The following TMEM108 variants were observed in gnomAD, a reference collection of about 807,000 sequenced individuals.
TMEM108 encodes the protein transmembrane protein 108, also known as cancer/testis antigen 124.
A neutral mutation model predicts 35.1 loss-of-function variants in TMEM108; 12 were observed. That is an observed-to-expected ratio of 0.34 (90% CI 0.22 to 0.55). The LOEUF is 0.55. Ranked by LOEUF, TMEM108 falls within the 20% of genes least tolerant of loss-of-function variation. TMEM108 has a pLI of 0.89. For synonymous variants in TMEM108, 287 were observed against 308.6 expected (o/e 0.93, Z 0.73); for missense variants, 680 against 753.3 (o/e 0.90, Z 1.14).
chr3:133,075,217 C>G (rs9846076), intron 2 of TMEM108, among the ~76,000 whole-genome samples: 97,199 of 152,004 alleles, frequency 0.64, 31,783 homozygotes, highest in African/African-American at 0.78. Flanking sequence ...GATTGCACAT[C>G]AACATTCCTC....
chr3:133,063,088 T>C (rs906368215), intron 2 of TMEM108, among the ~76,000 whole-genome samples: 8 of 152,136 alleles, frequency 5.3e-5, no homozygotes, highest in African/African-American at 1.9e-4. Context: ...AGTTGTGGTA[T>C]CAGAGATGGG....
intron 3 of TMEM108, among the ~76,000 whole-genome samples, chr3:133,234,133 G>A (rs1247463222): frequency 4.6e-5 from 7 of 152,022 alleles, no homozygotes; most frequent in Non-Finnish European, 8.8e-5. Context: ...TGTCCTGAAT[G>A]GTAATGCCTA....
chr3:133,204,348 G>C (rs1481230396), intron 2 of TMEM108, among the ~76,000 whole-genome samples: 1 of 151,376 alleles, frequency 6.6e-6, no homozygotes, highest in East Asian at 1.9e-4. Context: ...GCTATCTTTT[G>C]GATTTGTTTG....
chr3:133,309,915 T>A, intron 3 of TMEM108, among the ~76,000 whole-genome samples: 1 of 152,092 alleles, frequency 6.6e-6, no homozygotes, highest in African/African-American at 2.4e-5. Context: ...TTAGCCGGGA[T>A]GGTCTCGATC....
At chr3:133,070,332 A>G (rs368921125) in intron 2 of TMEM108, among the ~76,000 whole-genome samples, 1 of 152,148 alleles carries the variant, frequency 6.6e-6, no homozygotes, top group African/African-American at 2.4e-5. Context: ...ACAAGAGAGG[A>G]GTACAAAATG....
At chr3:133,047,395 A>G (rs1425089752) in intron 2 of TMEM108, among the ~76,000 whole-genome samples, 1 of 152,196 alleles carries the variant, frequency 6.6e-6, no homozygotes. Flanking sequence ...TTGCTGTGTA[A>G]ATACTATACA....
rs1305163991 is a variant in TMEM108 at position 133,380,281 on chromosome 3, C to T, written c.570C>T (p.His190=). ...CTGTCCCGCCTGCACCTGGTGGCCACTCCAGGAGTAAAGAAGGACAGCGAG... is the reference window on the plus strand; with the variant it reads ...CTGTCCCGCCTGCACCTGGTGGCCATTCCAGGAGTAAAGAAGGACAGCGAG... The part of the protein sequence containing the change: ...SRPVPPAPGG[H]SRSKEGQRGR... Residue 190 remains histidine, a synonymous_variant, in exon 4 of 6, where the codon CAC becomes CAT. Transcript: ENST00000321871. This position sits in a 1 kb window ranked among gnomAD's most constrained non-coding sequence, Gnocchi z 5.3. The T allele has an allele frequency of 1.2e-6, 2 of 1,614,016 alleles. No homozygotes were observed. Among genetic ancestry groups the T allele is most frequent in the Non-Finnish European group, 1.7e-6 (2 of 1,180,018 alleles).
At chr3:133,360,452 C>T (rs2072312495) in intron 3 of TMEM108, among the ~76,000 whole-genome samples, 1 of 152,056 alleles carries the variant, frequency 6.6e-6, no homozygotes, top group African/African-American at 2.4e-5. Flanking sequence ...GTCAAGCAGC[C>T]CTACAGTTGA....
intron 2 of TMEM108, among the ~76,000 whole-genome samples, chr3:133,070,982 T>G (rs1458100331): frequency 6.6e-6 from 1 of 152,110 alleles, no homozygotes; most frequent in Non-Finnish European, 1.5e-5. Flanking sequence ...GCAGCTCTGA[T>G]CTCATTTAAG....
At chr3:133,259,147 T>A (rs1042066673) in intron 3 of TMEM108, among the ~76,000 whole-genome samples, 1 of 152,252 alleles carries the variant, frequency 6.6e-6, no homozygotes, top group Non-Finnish European at 1.5e-5. Flanking sequence ...TAATTAAGTG[T>A]TGTCATCTGT....
intron 2 of TMEM108, among the ~76,000 whole-genome samples, chr3:133,207,594 T>A (rs796238891): frequency 7.2e-5 from 11 of 152,284 alleles, no homozygotes; most frequent in African/African-American, 2.6e-4. Flanking sequence ...ATTATTTAAA[T>A]CAATTCTGAC....
At chr3:133,220,959 A>C (rs1360167106) in intron 2 of TMEM108, among the ~76,000 whole-genome samples, 1 of 152,230 alleles carries the variant, frequency 6.6e-6, no homozygotes, top group Non-Finnish European at 1.5e-5. Context: ...TGAAATAATA[A>C]AGGATACAGG....
chr3:133,071,190 A>G (rs898092756), intron 2 of TMEM108, among the ~76,000 whole-genome samples: 2 of 152,194 alleles, frequency 1.3e-5, no homozygotes, highest in Non-Finnish European at 2.9e-5. Context: ...GGGCTGCCAT[A>G]GCAGTGTATC....
intron 2 of TMEM108, among the ~76,000 whole-genome samples, chr3:133,067,016 A>G (rs1290372895): frequency 6.6e-6 from 1 of 152,174 alleles, no homozygotes; most frequent in Non-Finnish European, 1.5e-5. Context: ...ACTTGGGTAA[A>G]CATGTACTAC....
chr3:133,206,266 T>A (rs1945752139), intron 2 of TMEM108, among the ~76,000 whole-genome samples: 2 of 152,124 alleles, frequency 1.3e-5, no homozygotes, highest in South Asian at 4.1e-4. Context: ...CTCGGAGGAG[T>A]TTGTTATTAC....
rs6800688 is a variant in TMEM108 at position 133,346,992 on chromosome 3, A to G, written c.41-32760A>G. Among the ~76,000 whole-genome samples, 1,942 of 152,140 alleles carry G rather than the reference A, an allele frequency of 0.013. 45 individuals are homozygous for G. The highest frequency in any genetic ancestry group is 0.043 in the African/African-American group (1,788 of 41,534). On this transcript the variant is annotated intron_variant, in intron 3 of 5. Transcript: ENST00000321871. This position sits in a 1 kb window ranked among gnomAD's most constrained non-coding sequence, Gnocchi z 4.0. ...CTCTGGACCCTATTCTGTTCTGTTG[A>G]TCAGTTTCTCTGTTCTTTCATCAGT...
intron 2 of TMEM108, among the ~76,000 whole-genome samples, chr3:133,136,267 A>C (rs1944563284): frequency 6.6e-6 from 1 of 152,110 alleles, no homozygotes; most frequent in Admixed American, 6.5e-5. Flanking sequence ...TTATCTTAGC[A>C]CTGTTTTCAG....
At chr3:133,389,275 A>G in intron 4 of TMEM108, 1 of 985,502 alleles carries the variant, frequency 1.0e-6, no homozygotes, top group Non-Finnish European at 1.2e-6. Flanking sequence ...CTCAGGGATG[A>G]ACAGACAGGG....
intron 5 of TMEM108, among the ~76,000 whole-genome samples, chr3:133,395,447 G>A (rs1187254268): frequency 6.6e-6 from 1 of 152,166 alleles, no homozygotes; most frequent in Non-Finnish European, 1.5e-5. Context: ...CTGTGAGAAA[G>A]AGGCAGGAAG....
Sources: gnomAD v4.1 joint callset for allele counts (sites outside exome capture counted in the v4.1 genomes callset) on GRCh38, gnomAD v4.1.1 for gene constraint, Gnocchi (gnomAD v3.1) non-coding constraint, MANE v1.5 for transcripts, NCBI Gene and HGNC (gene_info 2026-07-23, HGNC 2026-07-21) for gene names.